SH3BGRL2: variants seen among roughly 807,000 people sequenced by gnomAD.
SH3BGRL2 encodes SH3 domain-binding glutamic acid-rich-like protein 2.
In SH3BGRL2, 21 loss-of-function variants were observed where a neutral mutation model predicts 14.8. The observed-to-expected ratio is 1.42, with a 90% confidence interval of 1.01 to 2.05. The LOEUF (loss-of-function observed/expected upper bound fraction) is 2.05, where lower values mean the gene tolerates loss of function less well. Among genes scored for constraint, SH3BGRL2 ranks in the 30% most tolerant of loss-of-function variants. SH3BGRL2 has a pLI of 0.00. For missense variants in SH3BGRL2, 147 were observed against 130.8 expected (o/e 1.12, Z -0.61); for synonymous variants, 50 against 47.8 (o/e 1.05, Z -0.19).
At chr6:79,568,496 A>G in the SH3BGRL2 span, among the ~76,000 whole-genome samples, 1 of 152,320 alleles carries the variant, frequency 6.6e-6, no homozygotes, top group Admixed American at 6.5e-5. Context: ...TTGCAGTTTC[A>G]TGTATATGAA....
At chr6:79,588,375 G>C in the SH3BGRL2 span, among the ~76,000 whole-genome samples, 1 of 151,752 alleles carries the variant, frequency 6.6e-6, no homozygotes, top group Non-Finnish European at 1.5e-5. Flanking sequence ...GGAAGAGAAG[G>C]GTTATTTTAG....
the SH3BGRL2 span, among the ~76,000 whole-genome samples, chr6:79,538,042 T>G: frequency 1.3e-4 from 17 of 128,792 alleles, no homozygotes; most frequent in African/African-American, 4.5e-4. Flanking sequence ...TTTTTTTTTT[T>G]TTTTTTTTTT....
At chr6:79,557,851 A>T in the SH3BGRL2 span, among the ~76,000 whole-genome samples, 1 of 152,088 alleles carries the variant, frequency 6.6e-6, no homozygotes. Context: ...CTCCCAGGAG[A>T]AGTTTCCTTG....
chr6:79,674,421 C>G (rs1769840672), intron 2 of SH3BGRL2, among the ~76,000 whole-genome samples: 1 of 152,098 alleles, frequency 6.6e-6, no homozygotes, highest in African/African-American at 2.4e-5. Flanking sequence ...ATCTATTTAC[C>G]TACTTGCGTA....
At chr6:79,605,490 C>T in the SH3BGRL2 span, among the ~76,000 whole-genome samples, 13 of 152,222 alleles carry the variant, frequency 8.5e-5, no homozygotes, top group African/African-American at 3.1e-4. Flanking sequence ...TTAAGAAGAT[C>T]ATAACTTTCT....
intron 1 of SH3BGRL2, among the ~76,000 whole-genome samples, chr6:79,664,185 C>G (rs1210948515): frequency 6.6e-6 from 1 of 152,202 alleles, no homozygotes; most frequent in African/African-American, 2.4e-5. Flanking sequence ...ACTGTCCAAC[C>G]AGTCCGAATG....
At chr6:79,648,255 CATATAT>C (rs60702112) in intron 1 of SH3BGRL2, among the ~76,000 whole-genome samples, 9,895 of 62,450 alleles carry the variant, frequency 0.16, 798 homozygotes, top group South Asian at 0.21. Context: ...ATTCTTTTGG[CATATAT>C]ATATATATAT....
rs974547522 is a variant in SH3BGRL2, at chr6:79,668,807, C to T, written c.46-4807C>T. Among the ~76,000 whole-genome samples, 6 of 152,294 alleles carry T rather than the reference C, an allele frequency of 3.9e-5. No homozygotes were observed. In the East Asian group the frequency reaches 7.7e-4, roughly 20 times the overall value. On this transcript the variant is annotated intron_variant, in intron 1 of 3. Coordinates refer to ENST00000369838, the MANE Select transcript of SH3BGRL2 (RefSeq NM_031469.4). ...TAGAATTTATTTAAACATGCAACCA[C>T]ATACTACTTTCTTTTTCAGTCACTG...
the SH3BGRL2 span, among the ~76,000 whole-genome samples, chr6:79,592,461 G>A: frequency 1.4e-4 from 21 of 152,280 alleles, no homozygotes; most frequent in African/African-American, 5.1e-4. Flanking sequence ...ATATATAGGG[G>A]ATTTAGCCTA....
At chr6:79,656,160 G>A (rs750331464) in intron 1 of SH3BGRL2, among the ~76,000 whole-genome samples, 3 of 152,224 alleles carry the variant, frequency 2.0e-5, no homozygotes, top group Non-Finnish European at 4.4e-5. Flanking sequence ...GAAAATGTAG[G>A]AAGCTCTAGA....
chr6:79,562,059 CT>C, the SH3BGRL2 span, among the ~76,000 whole-genome samples: 4 of 152,178 alleles, frequency 2.6e-5, no homozygotes, highest in African/African-American at 9.7e-5. Flanking sequence ...CAGTTGCTTT[CT>C]GTAGTATTAT....
rs1166053109 is a variant in SH3BGRL2 at position 79,701,357 on chromosome 6, C to T, written c.*1848C>T. The T allele has an allele frequency of 6.6e-6, 1 of 152,100 alleles. No individual in the cohort carries two copies. Among genetic ancestry groups the T allele is most frequent in the African/African-American group, 2.4e-5 (1 of 41,384 alleles). The allele number at this position is 152,100 out of a possible 1,614,324, so 9.4% of individuals were successfully genotyped here. A position where few individuals can be genotyped will look rare whatever the true frequency, so the allele number is the denominator to read the frequency against. ...AAAATTGTCATGTTGTAATTCATTA[C>T]TCAGCTAACATTTAGTCTACTCTTG... On this transcript the variant is annotated 3_prime_UTR_variant, in exon 4 of 4. Transcript: ENST00000369838.
upstream of SH3BGRL2, among the ~76,000 whole-genome samples, chr6:79,629,293 A>G (rs1193415831): frequency 6.6e-6 from 1 of 152,176 alleles, no homozygotes; most frequent in Non-Finnish European, 1.5e-5. Flanking sequence ...CTTCCATGTC[A>G]CAAATTCAAG....
chr6:79,555,566 A>C, the SH3BGRL2 span, among the ~76,000 whole-genome samples: 1 of 152,192 alleles, frequency 6.6e-6, no homozygotes, highest in Non-Finnish European at 1.5e-5. Context: ...GCTGGAGTGC[A>C]GTAGCGTGAT....
chr6:79,577,952 C>T, the SH3BGRL2 span, among the ~76,000 whole-genome samples: 3,738 of 152,384 alleles, frequency 0.025, 60 homozygotes, highest in Middle Eastern at 0.071. Context: ...TAGCAACCGG[C>T]AGACAAGGTG....
upstream of SH3BGRL2, among the ~76,000 whole-genome samples, chr6:79,630,834 GACAA>G (rs1768807140): frequency 9.9e-5 from 15 of 152,174 alleles, 1 homozygote; most frequent in Admixed American, 7.2e-4. Context: ...AGTGCTACTG[GACAA>G]ACAAACGAGC....
At chr6:79,577,896 G>A in the SH3BGRL2 span, among the ~76,000 whole-genome samples, 1 of 152,216 alleles carries the variant, frequency 6.6e-6, no homozygotes, top group Non-Finnish European at 1.5e-5. Context: ...GACTACCTGG[G>A]AAAATGGGGC....
upstream of SH3BGRL2, among the ~76,000 whole-genome samples, chr6:79,628,933 T>C (rs367953582): frequency 1.3e-5 from 2 of 152,116 alleles, no homozygotes; most frequent in Non-Finnish European, 2.9e-5. Flanking sequence ...TACACAGCCC[T>C]CAAGAGCAGG....
At chr6:79,583,490 A>T in the SH3BGRL2 span, among the ~76,000 whole-genome samples, 2 of 152,216 alleles carry the variant, frequency 1.3e-5, no homozygotes, top group Non-Finnish European at 2.9e-5. Context: ...AGGGACATGG[A>T]TGAAGCTGGA....
Sources: allele counts gnomAD v4.1 joint callset (sites outside exome capture counted in the v4.1 genomes callset), GRCh38; gene constraint gnomAD v4.1.1; transcripts MANE v1.5; gene names NCBI Gene and HGNC (gene_info 2026-07-23, HGNC 2026-07-21).